The following SPEF2 variants were observed in gnomAD, a reference collection of about 807,000 sequenced individuals.
The protein encoded by SPEF2 is sperm flagellar and cilia associated 2.
SPEF2 carries 187 observed loss-of-function variants against 224.6 expected under a neutral mutation model. The ratio of observed to expected loss-of-function variants is 0.83; its 90% confidence interval spans 0.74 to 0.94. SPEF2 has a LOEUF of 0.94. SPEF2 is among the 40% of genes least tolerant of loss of function. The probability of loss-of-function intolerance (pLI) is 0.00; values close to 1 mark genes in which losing one functional copy is unlikely to be tolerated. For synonymous variants in SPEF2, 715 were observed against 707.3 expected (o/e 1.01, Z -0.17); for missense variants, 2,170 against 2,135.6 (o/e 1.02, Z -0.32).
intron 2 of SPEF2, among the ~76,000 whole-genome samples, chr5:35,632,552 C>T (rs1745284354): frequency 6.6e-6 from 1 of 152,270 alleles, no homozygotes; most frequent in African/African-American, 2.4e-5. Context: ...AAAGCTTAAC[C>T]ATATCAGCTA....
chr5:35,648,660 C>A (rs1272332327), intron 5 of SPEF2, among the ~76,000 whole-genome samples: 1 of 151,940 alleles, frequency 6.6e-6, no homozygotes, highest in Admixed American at 6.6e-5. Context: ...TTGTAAAACA[C>A]AAAGATGACC....
chr5:35,800,374 G>A (rs1246203795), intron 34 of SPEF2, among the ~76,000 whole-genome samples: 1 of 152,170 alleles, frequency 6.6e-6, no homozygotes, highest in Non-Finnish European at 1.5e-5. Flanking sequence ...TTTATTCAAA[G>A]TGTCTTGGTG....
chr5:35,761,237 A>G (rs1007252829), intron 25 of SPEF2, among the ~76,000 whole-genome samples: 2 of 152,184 alleles, frequency 1.3e-5, no homozygotes, highest in African/African-American at 4.8e-5. Context: ...CATTGTATGT[A>G]AATAAATTAA....
chr5:35,697,740 A>T lies in SPEF2; in HGVS notation c.2088A>T (p.Lys696Asn). ...LGAKSEQLLK[K>N]GKSIPDVLLV... ...CAAAATCAGAACAGTTGCTGAAGAA[A>T]GGAAAGAGCATTCCTGATGTGCTGC... The change falls in exon 15 of 37, where the codon AAA becomes AAT. Residue 696 changes from lysine to asparagine, a missense_variant. Lys to Asn is a moderately conservative substitution (Grantham distance 94). Coordinates refer to ENST00000356031, the MANE Select transcript of SPEF2 (RefSeq NM_024867.4). 6.2e-7 allele frequency: 1 copy of T among 1,613,442 alleles called. No individual in the cohort carries two copies. The highest frequency in any genetic ancestry group is 1.1e-5 in the South Asian group (1 of 91,040).
At chr5:35,626,686 C>G (rs534679336) in intron 1 of SPEF2, among the ~76,000 whole-genome samples, 3 of 152,060 alleles carry the variant, frequency 2.0e-5, no homozygotes, top group Non-Finnish European at 4.4e-5. Context: ...TCAGTGGGAA[C>G]CATTGACATC....
chr5:35,685,142 T>A (rs1753400991), intron 10 of SPEF2, among the ~76,000 whole-genome samples: 1 of 152,178 alleles, frequency 6.6e-6, no homozygotes, highest in Non-Finnish European at 1.5e-5. Flanking sequence ...CTAAAAATAC[T>A]TTTTATAAAT....
chr5:35,751,226 C>T (rs1463931280), intron 23 of SPEF2, among the ~76,000 whole-genome samples: 2 of 145,400 alleles, frequency 1.4e-5, no homozygotes, highest in East Asian at 4.1e-4. Context: ...GAATGGAAAA[C>T]CAAACATTAT....
chr5:35,709,024 T>A lies in SPEF2; in HGVS notation c.2742T>A (p.Pro914=), dbSNP rs759544930. 1 of 1,613,468 alleles carries A rather than the reference T, an allele frequency of 6.2e-7. No homozygotes were observed. The highest frequency in any genetic ancestry group is 8.5e-7 in the Non-Finnish European group (1 of 1,179,576). Residue 914 remains proline (P), a synonymous_variant, in exon 19 of 37, where the codon CCT becomes CCA. Coordinates refer to ENST00000356031, the MANE Select transcript of SPEF2 (RefSeq NM_024867.4). ...TGGCTGAGCTTCCACTTCCTACACC[T>A]CCTCCTGCTCCTCCTCCTGAACCAG... The part of the protein sequence containing the change: ...ASLAELPLPT[P]PPAPPPEPEK...
intron 36 of SPEF2, chr5:35,807,518 A>G: frequency 1.0e-6 from 1 of 1,000,032 alleles, no homozygotes; most frequent in Non-Finnish European, 1.5e-6. Flanking sequence ...GTAGCCATGT[A>G]ATGACCCTAG....
intron 10 of SPEF2, among the ~76,000 whole-genome samples, chr5:35,681,044 T>C (rs1349063100): frequency 6.6e-6 from 1 of 152,210 alleles, no homozygotes; most frequent in East Asian, 1.9e-4. Flanking sequence ...CCCACGGTGT[T>C]TGGGCTTGAG....
At chr5:35,779,923 A>C (rs1754095486) in intron 30 of SPEF2, among the ~76,000 whole-genome samples, 1 of 152,218 alleles carries the variant, frequency 6.6e-6, no homozygotes, top group Non-Finnish European at 1.5e-5. Context: ...CAGCATCTGC[A>C]CAGGCTTTTT....
intron 1 of SPEF2, among the ~76,000 whole-genome samples, chr5:35,626,784 G>C (rs1744321204): frequency 1.3e-5 from 2 of 152,122 alleles, no homozygotes; most frequent in Admixed American, 6.5e-5. Context: ...CAGATATTAA[G>C]AAAGTCTTAG....
intron 7 of SPEF2, among the ~76,000 whole-genome samples, chr5:35,658,015 T>G (rs1205785344): frequency 2.0e-5 from 3 of 152,230 alleles, no homozygotes; most frequent in African/African-American, 7.2e-5. Flanking sequence ...GAGTAAGTTC[T>G]GGTCTCTAGA....
At chr5:35,710,418 G>C (rs540204586) in intron 19 of SPEF2, 3 of 493,942 alleles carry the variant, frequency 6.1e-6, no homozygotes, top group Non-Finnish European at 7.9e-6. Flanking sequence ...TTAGCTGGGC[G>C]TGGTGGCAGG....
Position 35,704,411 on chromosome 5 carries a change from T to C in SPEF2, c.2399-143T>C, listed in dbSNP as rs1026848748. ...ATTCTTATCTCAAAACTATACTCTT[T>C]CAACATCTTTTAAAATATTTTTAAG... On this transcript the variant is annotated intron_variant, in intron 16 of 36. Coordinates refer to ENST00000356031, the MANE Select transcript of SPEF2 (RefSeq NM_024867.4). 17 of 549,434 alleles carry C rather than the reference T, an allele frequency of 3.1e-5. No homozygotes were observed. The East Asian group carries it at 4.9e-4, about 16-fold the overall frequency. 34.0% of individuals were successfully genotyped at this position (549,434 alleles called of 1,614,324 possible).
intron 21 of SPEF2, among the ~76,000 whole-genome samples, chr5:35,728,806 T>C (rs1397665987): frequency 6.6e-6 from 1 of 152,080 alleles, no homozygotes; most frequent in Non-Finnish European, 1.5e-5. Flanking sequence ...CATTAAGTGA[T>C]ATAATTATGG....
In SPEF2 at chr5:35,726,104, G is replaced by T. The variant is rs528729372; in HGVS notation, c.2915-1571G>T. Among the ~76,000 whole-genome samples, 3 of 152,248 alleles carry T rather than the reference G, an allele frequency of 2.0e-5. No individual in the cohort carries two copies. The East Asian group carries it at 5.8e-4, about 29-fold the overall frequency. ...TGTTCAAAAGTGAATATTCACTAACGCATAGATACATTTTTATTCATTCAA... is the reference window on the plus strand; with the variant it reads ...TGTTCAAAAGTGAATATTCACTAACTCATAGATACATTTTTATTCATTCAA... On this transcript the variant is annotated intron_variant, in intron 20 of 36. Transcript: ENST00000356031.
rs149696030 is a variant in SPEF2, at chr5:35,655,629, G to A, written c.978+903G>A. Among the ~76,000 whole-genome samples, 610 of 152,316 alleles carry A rather than the reference G, an allele frequency of 4.0e-3. 7 individuals carry two copies. Among genetic ancestry groups the A allele is most frequent in the African/African-American group, 0.014 (583 of 41,560 alleles). ...TTAGCTAATTGAAGGTGGGATGGTC[G>A]TGGTGGGGTCAGGGTTAGGGGCAGT... On this transcript the variant is annotated intron_variant, in intron 7 of 36. Coordinates refer to ENST00000356031, the MANE Select transcript of SPEF2 (RefSeq NM_024867.4).
intron 2 of SPEF2, among the ~76,000 whole-genome samples, chr5:35,632,102 T>C (rs1011051813): frequency 6.6e-6 from 1 of 152,222 alleles, no homozygotes; most frequent in Non-Finnish European, 1.5e-5. Context: ...AACCTTTGCC[T>C]GTTACCCAGT....
Sources: allele counts gnomAD v4.1 joint callset (sites outside exome capture counted in the v4.1 genomes callset), GRCh38; gene constraint gnomAD v4.1.1; transcripts MANE v1.5; gene names NCBI Gene and HGNC (gene_info 2026-07-23, HGNC 2026-07-21).